MAP7: variants seen among roughly 807,000 people sequenced by gnomAD.
The protein encoded by MAP7 is ensconsin.
In MAP7, 52 loss-of-function variants were observed where a neutral mutation model predicts 94.8. The observed-to-expected ratio is 0.55, with a 90% CI of 0.44 to 0.69. MAP7 has a LOEUF of 0.69. Among genes scored for constraint, MAP7 ranks in the 30% least tolerant of loss-of-function variants. The pLI is 0.00. For missense variants in MAP7, 940 were observed against 964.6 expected (o/e 0.97, Z 0.34); for synonymous variants, 350 against 357.0 (o/e 0.98, Z 0.22).
At chr6:136,394,931 CATATATATATATATATATATATATATAT>C (rs144839767) in intron 3 of MAP7, among the ~76,000 whole-genome samples, 20 of 27,500 alleles carry the variant, frequency 7.3e-4, no homozygotes, top group East Asian at 2.4e-3. Context: ...AATATTCCAT[CATATATATATATATATATATATATATAT>C]ATATATATAT....
intron 1 of MAP7, among the ~76,000 whole-genome samples, chr6:136,449,585 A>G (rs1800474797): frequency 6.6e-6 from 1 of 152,180 alleles, no homozygotes; most frequent in South Asian, 2.1e-4. Context: ...ATTGGCTGAT[A>G]CTCGGTGATT....
intron 1 of MAP7, among the ~76,000 whole-genome samples, chr6:136,469,788 T>C (rs1318754907): frequency 2.0e-5 from 3 of 152,108 alleles, no homozygotes; most frequent in Non-Finnish European, 4.4e-5. Context: ...TGTAAAGAAA[T>C]GGAAATCAAG....
chr6:136,393,427 C>T (rs1203381423), intron 3 of MAP7, among the ~76,000 whole-genome samples: 1 of 152,090 alleles, frequency 6.6e-6, no homozygotes, highest in Non-Finnish European at 1.5e-5. Flanking sequence ...CTCCACCTCT[C>T]GTATTTAGAG....
chr6:136,377,880 C>A lies in MAP7; in HGVS notation c.638-12G>T. On this transcript the variant is annotated splice_polypyrimidine_tract_variant and intron_variant, in intron 6 of 17. Transcript: ENST00000354570. ...CTGCAGGCGGCGAGCTAAACGTCAC[C>A]ACATAAGCAAGATGTTAGAAGCATT... 6.3e-7 allele frequency: 1 copy of A among 1,586,900 alleles called. No homozygotes were observed. Among genetic ancestry groups the A allele is most frequent in the South Asian group, 1.1e-5 (1 of 90,440 alleles).
chr6:136,353,232 T>G (rs1789729385), intron 16 of MAP7, among the ~76,000 whole-genome samples: 1 of 152,216 alleles, frequency 6.6e-6, no homozygotes, highest in African/African-American at 2.4e-5. Context: ...GCTACATAAT[T>G]TCAGTGCTCC....
At chr6:136,431,946 G>A (rs113892787) in intron 1 of MAP7, among the ~76,000 whole-genome samples, 13 of 152,032 alleles carry the variant, frequency 8.6e-5, no homozygotes, top group African/African-American at 3.1e-4. Flanking sequence ...TCTGGTGTGT[G>A]AATTTATTTG....
intron 1 of MAP7, among the ~76,000 whole-genome samples, chr6:136,498,154 T>C (rs1818842613): frequency 6.6e-6 from 1 of 152,106 alleles, no homozygotes; most frequent in Non-Finnish European, 1.5e-5. Context: ...CATACACATA[T>C]ACTTGATAAT....
chr6:136,387,803 T>C (rs1423117606), intron 5 of MAP7, among the ~76,000 whole-genome samples: 1 of 152,208 alleles, frequency 6.6e-6, no homozygotes, highest in Non-Finnish European at 1.5e-5. Flanking sequence ...TGACACACTA[T>C]GTAAAATTCC....
chr6:136,550,281 G>T lies in MAP7; in HGVS notation c.67+61C>A. 2 of 1,385,610 alleles carry T rather than the reference G, an allele frequency of 1.4e-6. No individual in the cohort carries two copies. Among genetic ancestry groups the T allele is most frequent in the Non-Finnish European group, 9.4e-7 (1 of 1,059,996 alleles). The allele number at this position is 1,385,610 out of a possible 1,614,324, so 85.8% of individuals were successfully genotyped here. On this transcript the variant is annotated intron_variant, in intron 1 of 17. Transcript: ENST00000354570. This position sits in a 1 kb window ranked among gnomAD's most constrained non-coding sequence, Gnocchi z 5.1. ...CGCCGGGTGATTTCGGTGCCAGCCC[G>T]CCGGCCCCGCTCGCCGTCCCCTGCC...
rs778856615 is a variant in MAP7 at position 136,362,500 on chromosome 6, C to A, written c.1476G>T (p.Glu492Asp). 1 of 1,614,112 alleles carries A rather than the reference C, an allele frequency of 6.2e-7. No homozygotes were observed. Among genetic ancestry groups the A allele is most frequent in the Non-Finnish European group, 8.5e-7 (1 of 1,180,052 alleles). The stretch of plus-strand genomic sequence containing the variant: ...TCTCCCTTTCTTCCTTTTCTCTCTG[C>A]TCTCGGGCCAGCCGCCTCTTCTCAG... Reference protein sequence around the residue: ...LLAEKRRLAREQREKEERERR... With the variant: ...LLAEKRRLARDQREKEERERR... The change falls in exon 11 of 18, where the codon GAG becomes GAT. Residue 492 changes from glutamate (E) to aspartate (D), a missense_variant. Physicochemically the swap from Glu to Asp is conservative, Grantham distance 45 (BLOSUM62 2). Coordinates refer to ENST00000354570, the MANE Select transcript of MAP7 (RefSeq NM_003980.6).
At chr6:136,443,150 G>A (rs1272622718) in intron 1 of MAP7, among the ~76,000 whole-genome samples, 3 of 152,106 alleles carry the variant, frequency 2.0e-5, no homozygotes, top group African/African-American at 7.2e-5. Flanking sequence ...TGATTTCAAA[G>A]TAATCAGTTC....
At position 136,356,825 on chromosome 6, in the gene MAP7, G is replaced by T. The variant is rs142693512; in HGVS notation, c.1913-31C>A. The T allele has an allele frequency of 2.2e-3, 3,340 of 1,549,956 alleles. 10 individuals carry two copies. The highest frequency in any genetic ancestry group is 2.8e-3 in the Non-Finnish European group (3,139 of 1,122,716). The stretch of plus-strand genomic sequence containing the variant: ...CATAGTAAAGGAGACAGAACACAGG[G>T]TTACTAATATTCTTTTCTTAGACCT... On this transcript the variant is annotated intron_variant, in intron 15 of 17. Coordinates refer to ENST00000354570, the MANE Select transcript of MAP7 (RefSeq NM_003980.6).
At chr6:136,395,102 G>A (rs1213854351) in intron 3 of MAP7, among the ~76,000 whole-genome samples, 1 of 151,004 alleles carries the variant, frequency 6.6e-6, no homozygotes, top group Non-Finnish European at 1.5e-5. Context: ...GGATTGCTGG[G>A]TCATCCTGCA....
At position 136,525,832 on chromosome 6, in the gene MAP7, C is replaced by T. The variant is rs1827666994; in HGVS notation, c.67+24510G>A. ...ACCAAAGGGTGGAGCTAATGCATACCTTTTGGTCTTCTGGAATTTCCATTC... is the reference window on the plus strand; with the variant it reads ...ACCAAAGGGTGGAGCTAATGCATACTTTTTGGTCTTCTGGAATTTCCATTC... On this transcript the variant is annotated intron_variant, in intron 1 of 17. Transcript: ENST00000354570. 2.0e-6 allele frequency: 3 copies of T among 1,534,530 alleles called. No individual in the cohort carries two copies. The South Asian group carries it at 3.6e-5, about 18-fold the overall frequency.
chr6:136,498,479 G>T (rs1295215362), intron 1 of MAP7, among the ~76,000 whole-genome samples: 1 of 152,040 alleles, frequency 6.6e-6, no homozygotes, highest in African/African-American at 2.4e-5. Context: ...CAGTGCAGAC[G>T]CTGGTTCTAA....
At chr6:136,432,121 C>A (rs965850953) in intron 1 of MAP7, among the ~76,000 whole-genome samples, 1 of 152,110 alleles carries the variant, frequency 6.6e-6, no homozygotes, top group African/African-American at 2.4e-5. Context: ...CAACTCTTCA[C>A]TTCTATGTTC....
chr6:136,451,554 C>A (rs770480041), intron 1 of MAP7, among the ~76,000 whole-genome samples: 4 of 152,172 alleles, frequency 2.6e-5, no homozygotes, highest in African/African-American at 4.8e-5. Context: ...TCCCATCCTG[C>A]AGACCATGGA....
intron 1 of MAP7, among the ~76,000 whole-genome samples, chr6:136,448,859 A>C (rs1800152502): frequency 6.6e-6 from 1 of 152,132 alleles, no homozygotes; most frequent in Non-Finnish European, 1.5e-5. Flanking sequence ...AAAAACAATT[A>C]ATATTTTATT....
intron 16 of MAP7, among the ~76,000 whole-genome samples, chr6:136,348,258 G>A (rs1788240294): frequency 6.6e-6 from 1 of 152,134 alleles, no homozygotes; most frequent in African/African-American, 2.4e-5. Flanking sequence ...AGGCCTGCAT[G>A]TACTAACAAG....
Sources: gnomAD v4.1 joint callset for allele counts (sites outside exome capture counted in the v4.1 genomes callset) on GRCh38, gnomAD v4.1.1 for gene constraint, Gnocchi (gnomAD v3.1) non-coding constraint, MANE v1.5 for transcripts, NCBI Gene and HGNC (gene_info 2026-07-23, HGNC 2026-07-21) for gene names.